Variants in ITGA9 observed in about 807,000 individuals in gnomAD.
The protein encoded by ITGA9 is integrin subunit alpha 9.
A neutral mutation model predicts 127.8 loss-of-function variants in ITGA9; 56 were observed. The observed-to-expected ratio is 0.44, with a 90% CI of 0.35 to 0.55. ITGA9 has a LOEUF of 0.55. Among genes scored for constraint, ITGA9 ranks in the 20% least tolerant of loss-of-function variants. The pLI is 0.00. For synonymous variants in ITGA9, 508 were observed against 514.5 expected, an observed-to-expected ratio of 0.99 and a Z score of 0.17; for missense variants, 1,196 against 1,347.1, an observed-to-expected ratio of 0.89 and a Z score of 1.76.
intron 15 of ITGA9, among the ~76,000 whole-genome samples, chr3:37,561,474 C>T (rs1236785689): frequency 6.6e-6 from 1 of 152,152 alleles, no homozygotes; most frequent in Non-Finnish European, 1.5e-5. Context: ...TAAAAGTATA[C>T]CTTTTATCAC....
chr3:37,534,747 G>A (rs925472575), intron 14 of ITGA9, among the ~76,000 whole-genome samples: 2 of 152,296 alleles, frequency 1.3e-5, no homozygotes, highest in Non-Finnish European at 2.9e-5. Flanking sequence ...TAGTGAGGGA[G>A]GATTAACAAC....
chr3:37,713,252 C>G (rs1701098028), intron 18 of ITGA9, among the ~76,000 whole-genome samples: 1 of 152,166 alleles, frequency 6.6e-6, no homozygotes, highest in African/African-American at 2.4e-5. Flanking sequence ...AAAGTGGGAG[C>G]TTTTGTTGTC....
chr3:37,674,026 A>G (rs1436582660), intron 17 of ITGA9, among the ~76,000 whole-genome samples: 1 of 152,204 alleles, frequency 6.6e-6, no homozygotes. Flanking sequence ...CTGTTTGTTT[A>G]CAGATTTCAT....
intron 23 of ITGA9, among the ~76,000 whole-genome samples, chr3:37,770,093 C>G (rs1343135725): frequency 6.6e-6 from 1 of 152,148 alleles, no homozygotes; most frequent in Admixed American, 6.5e-5. Context: ...TTATCTGTCA[C>G]ATCCCTGATA....
intron 1 of ITGA9, among the ~76,000 whole-genome samples, chr3:37,465,755 A>G (rs1698363268): frequency 6.6e-6 from 1 of 152,156 alleles, no homozygotes; most frequent in Non-Finnish European, 1.5e-5. Context: ...ATGCCCTTTG[A>G]CATGACGGAG....
chr3:37,630,511 T>A (rs1700220850), intron 16 of ITGA9, among the ~76,000 whole-genome samples: 1 of 152,208 alleles, frequency 6.6e-6, no homozygotes, highest in Admixed American at 6.5e-5. Context: ...CAAGAGGGGC[T>A]TCCCTTTTGT....
intron 18 of ITGA9, among the ~76,000 whole-genome samples, chr3:37,731,436 A>T (rs1030270561): frequency 2.0e-5 from 3 of 152,336 alleles, no homozygotes; most frequent in East Asian, 1.9e-4. Context: ...AAAACTAATC[A>T]TCATTGAGAT....
At chr3:37,756,820 C>A (rs1189168648) in intron 23 of ITGA9, among the ~76,000 whole-genome samples, 1 of 152,040 alleles carries the variant, frequency 6.6e-6, no homozygotes, top group Non-Finnish European at 1.5e-5. Flanking sequence ...AGTCTCTGAC[C>A]ACAATGCAAT....
intron 15 of ITGA9, among the ~76,000 whole-genome samples, chr3:37,566,918 T>A (rs1388154037): frequency 6.6e-6 from 1 of 152,246 alleles, no homozygotes; most frequent in African/African-American, 2.4e-5. Flanking sequence ...TGACATTGAT[T>A]ACACTATGAG....
At chr3:37,517,328 G>A (rs155522) in intron 9 of ITGA9, among the ~76,000 whole-genome samples, 176 bp from the exon 10 acceptor site, 10 of 152,148 alleles carry the variant, frequency 6.6e-5, no homozygotes, top group South Asian at 2.1e-4. Flanking sequence ...TAAAAGGGAC[G>A]CATTTTGCCA....
chr3:37,485,142 G>C (rs1006215198), intron 4 of ITGA9, among the ~76,000 whole-genome samples: 1 of 152,192 alleles, frequency 6.6e-6, no homozygotes, highest in African/African-American at 2.4e-5. Flanking sequence ...AGAATTTCCT[G>C]CCAGTGTGTA....
At chr3:37,748,624 G>T in intron 22 of ITGA9, 1 of 502,662 alleles carries the variant, frequency 2.0e-6, no homozygotes, top group Admixed American at 3.2e-5. Flanking sequence ...GCAGCCACCT[G>T]TAATCCCAGC....
chr3:37,495,022 G>A (rs993886239), intron 5 of ITGA9, among the ~76,000 whole-genome samples: 1 of 152,154 alleles, frequency 6.6e-6, no homozygotes, highest in Non-Finnish European at 1.5e-5. Context: ...CACTCAAGCT[G>A]GAGTGCAGTG....
At chr3:37,504,935 C>T (rs2125571197) in intron 6 of ITGA9, among the ~76,000 whole-genome samples, 1 of 152,282 alleles carries the variant, frequency 6.6e-6, no homozygotes, top group Non-Finnish European at 1.5e-5. Context: ...TTTATGCTGG[C>T]CAGAGGAGAG....
intron 14 of ITGA9, among the ~76,000 whole-genome samples, chr3:37,533,700 A>G (rs1308385210): frequency 9.2e-5 from 14 of 152,226 alleles, no homozygotes. Flanking sequence ...GACCCCAAGC[A>G]TTCTTTTTGC....
intron 17 of ITGA9, among the ~76,000 whole-genome samples, chr3:37,672,413 G>A (rs1050117612): frequency 6.6e-6 from 1 of 152,202 alleles, no homozygotes; most frequent in African/African-American, 2.4e-5. Flanking sequence ...CACCATGTAA[G>A]ACGTGACTTT....
At chr3:37,803,307 T>C (rs1005700491) in intron 26 of ITGA9, among the ~76,000 whole-genome samples, 1 of 152,216 alleles carries the variant, frequency 6.6e-6, no homozygotes, top group African/African-American at 2.4e-5. Context: ...TTTCAAGACC[T>C]AGGGCTTGGA....
At chr3:37,652,118 T>A (rs1344138277) in intron 16 of ITGA9, among the ~76,000 whole-genome samples, 1 of 145,024 alleles carries the variant, frequency 6.9e-6, no homozygotes, top group East Asian at 2.1e-4. Context: ...GAGGGTGGGG[T>A]CTTGAAGGAA....
At chr3:37,785,115 G>A in intron 26 of ITGA9, 37 bp downstream of exon 26, 1 of 1,419,516 alleles carries the variant, frequency 7.0e-7, no homozygotes, top group Non-Finnish European at 1.0e-6. Context: ...TCCTCAGAGG[G>A]CAAGGGAAGC....
Sources: allele counts gnomAD v4.1 joint callset (sites outside exome capture counted in the v4.1 genomes callset), GRCh38; gene constraint gnomAD v4.1.1; transcripts MANE v1.5; gene names NCBI Gene and HGNC (gene_info 2026-07-23, HGNC 2026-07-21).